The following SEC14L4 variants were observed in gnomAD, a reference collection of about 807,000 sequenced individuals.
The protein encoded by SEC14L4 is SEC14-like protein 4.
SEC14L4 carries 42 observed loss-of-function variants against 55.1 expected under a neutral mutation model. That is an observed-to-expected ratio of 0.76 (90% CI 0.60 to 0.99). The LOEUF (loss-of-function observed/expected upper bound fraction) is 0.99. Among genes scored for constraint, SEC14L4 ranks in the 50% least tolerant of loss-of-function variants. The pLI is 0.00. For synonymous variants in SEC14L4, 206 were observed against 206.8 expected, an observed-to-expected ratio of 1.00 and a Z score of 0.03; for missense variants, 445 against 512.1, an observed-to-expected ratio of 0.87 and a Z score of 1.27.
rs1370840434 is a variant in SEC14L4, at chr22:30,491,697, G to A, written c.957C>T (p.Phe319=). Residue 319 remains phenylalanine, a synonymous_variant, in exon 11 of 12, where the codon TTC becomes TTT. Transcript: ENST00000255858. ...SDGGDIGFGV[F]LKTKMGEQQS... is the part of the protein sequence containing the mutation. The stretch of plus-strand genomic sequence containing the variant: ...GCTGCTCCCCCATCTTGGTCTTCAG[G>A]AAAACCCCAAAGCCGATGTCCCCAC... 2 of 1,614,144 alleles carry A rather than the reference G, an allele frequency of 1.2e-6. No homozygotes were observed. Among genetic ancestry groups the A allele is most frequent in the African/African-American group, 1.3e-5 (1 of 75,028 alleles).
At chr22:30,503,832 A>C in intron 1 of SEC14L4, 80 bp from the exon 2 acceptor site, 2 of 1,059,846 alleles carry the variant, frequency 1.9e-6, no homozygotes, top group Non-Finnish European at 2.9e-6. Flanking sequence ...CCCTTCCCAC[A>C]TCATCCACCA....
At chr22:30,497,539 A>AG (rs1936190271) in intron 2 of SEC14L4, among the ~76,000 whole-genome samples, 1 of 151,470 alleles carries the variant, frequency 6.6e-6, no homozygotes, top group Admixed American at 6.6e-5. Context: ...AAAAAAAAAA[A>AG]GAAAGAACCC....
In SEC14L4 at chr22:30,492,016, C is replaced by T. The variant is rs763811035; in HGVS notation, c.771+33G>A. On this transcript the variant is annotated intron_variant, in intron 9 of 11. Transcript: ENST00000255858. ...GTGTGGGCACTAGATCACAGCTTCT[C>T]CCCTCCTTCCCCATCCTCTGGGCAC... is the stretch of plus-strand genomic sequence containing the variant. 7 of 1,613,724 alleles carry T rather than the reference C, an allele frequency of 4.3e-6. No individual in the cohort carries two copies. In the South Asian group the frequency reaches 6.6e-5, roughly 15 times the overall value.
At chr22:30,505,355 T>C (rs193106418) in intron 1 of SEC14L4, among the ~76,000 whole-genome samples, 67 of 152,244 alleles carry the variant, frequency 4.4e-4, no homozygotes, top group African/African-American at 1.6e-3. Context: ...TGGATTCGGC[T>C]CCTGGTCACG....
chr22:30,490,320 CA>C, intron 11 of SEC14L4, 74 bp from the exon 12 acceptor site: 1 of 1,595,262 alleles, frequency 6.3e-7, no homozygotes, highest in Non-Finnish European at 8.5e-7. Flanking sequence ...TGCATGGGTG[CA>C]TCCCTGGAAC....
intron 7 of SEC14L4, among the ~76,000 whole-genome samples, chr22:30,493,725 C>T (rs747572740): frequency 3.9e-5 from 6 of 152,140 alleles, no homozygotes; most frequent in East Asian, 1.9e-4. Flanking sequence ...AGCCAGAGGC[C>T]GGGTGCGGTG....
At chr22:30,494,243 T>G (rs1289555878) in intron 6 of SEC14L4, 33 bp from the exon 7 acceptor site, 3 of 1,573,060 alleles carry the variant, frequency 1.9e-6, no homozygotes, top group Non-Finnish European at 1.8e-6. Flanking sequence ...GTTGGGGCTC[T>G]GTTCCATCAC....
intron 2 of SEC14L4, among the ~76,000 whole-genome samples, chr22:30,499,372 C>G (rs1480049795): frequency 6.6e-6 from 1 of 151,292 alleles, no homozygotes; most frequent in Non-Finnish European, 1.5e-5. Flanking sequence ...TGTGAGCCAC[C>G]GCACCTGGCC....
At position 30,492,596 on chromosome 22, in the gene SEC14L4, A is replaced by G. The variant is rs1455043293; in HGVS notation, c.581-39T>C. On this transcript the variant is annotated intron_variant, in intron 7 of 11. Coordinates refer to ENST00000255858, the MANE Select transcript of SEC14L4 (RefSeq NM_174977.4). ...AAATCTCTTGAGAAGCTGGACCAGA[A>G]AGGACGTGGGGATACAGAGCCACAG... The G allele has an allele frequency of 3.9e-6, 6 of 1,530,890 alleles. No individual in the cohort carries two copies. In the East Asian group the frequency reaches 1.3e-4, roughly 34 times the overall value. The allele number at this position is 1,530,890 out of a possible 1,614,324, so 94.8% of individuals were successfully genotyped here.
rs1299799301 is a variant in SEC14L4 at position 30,489,225 on chromosome 22, C to CTTTGTTTG, written c.*881_*882insCAAACAAA. The CTTTGTTTG allele has an allele frequency of 1.5e-4, 18 of 124,074 alleles. 1 individual carries two copies. The South Asian group carries it at 1.6e-3, about 11-fold the overall frequency. 7.7% of individuals were successfully genotyped at this position (124,074 alleles called of 1,614,324 possible). On this transcript the variant is annotated 3_prime_UTR_variant, in exon 12 of 12. Coordinates refer to ENST00000255858, the MANE Select transcript of SEC14L4 (RefSeq NM_174977.4). ...CACCTCTCCATGTCCAATGTTCTTTCTTTATTTGTTTGTTTGTTTGTTTGT... is the reference window on the plus strand; with the variant it reads ...CACCTCTCCATGTCCAATGTTCTTTCTTTGTTTGTTTATTTGTTTGTTTGTTTGTTTGT...
rs769327241 is a variant in SEC14L4, at chr22:30,490,131, C to T, written c.1197G>A (p.Ala399=). 1.1e-5 allele frequency: 17 copies of T among 1,614,056 alleles called. No homozygotes were observed. The highest frequency in any genetic ancestry group is 1.6e-4 in the Middle Eastern group (1 of 6,062). The part of the protein sequence containing the change: ...ASEETLQSLK[A]MRPSPTQ ...TTCACTGTGTTGGGGAGGGTCTCATCGCCTTGAGACTCTGCAGCGTCTCCT... is the reference window on the plus strand; with the variant it reads ...TTCACTGTGTTGGGGAGGGTCTCATTGCCTTGAGACTCTGCAGCGTCTCCT... Residue 399 remains alanine (A), a synonymous_variant, in exon 12 of 12, where the codon GCG becomes GCA. Coordinates refer to ENST00000255858, the MANE Select transcript of SEC14L4 (RefSeq NM_174977.4).
At chr22:30,494,124 G>A (rs1421738143) in intron 7 of SEC14L4, 26 bp downstream of exon 7, 2 of 1,576,882 alleles carry the variant, frequency 1.3e-6, no homozygotes, top group African/African-American at 1.4e-5. Flanking sequence ...TCCCTCCCCA[G>A]GAGGTCATCC....
chr22:30,498,594 T>G (rs947064299), intron 2 of SEC14L4, among the ~76,000 whole-genome samples: 4 of 152,220 alleles, frequency 2.6e-5, no homozygotes, highest in Admixed American at 1.3e-4. Flanking sequence ...AGTTCTACAT[T>G]TAAACAGTAA....
At chr22:30,493,696 G>A (rs1936041800) in intron 7 of SEC14L4, among the ~76,000 whole-genome samples, 1 of 152,084 alleles carries the variant, frequency 6.6e-6, no homozygotes, top group Non-Finnish European at 1.5e-5. Flanking sequence ...GTCTGTGAAG[G>A]ACTGAAACTA....
chr22:30,494,239 G>A (rs1936064801), intron 6 of SEC14L4, 29 bp from the exon 7 acceptor site: 4 of 1,591,570 alleles, frequency 2.5e-6, no homozygotes, highest in South Asian at 1.1e-5. Flanking sequence ...TCTGGTTGGG[G>A]CTCTGTTCCA....
rs368539183 is a variant in SEC14L4, at chr22:30,495,420, C to G, written c.257G>C (p.Gly86Ala). 14 of 1,613,752 alleles carry G rather than the reference C, an allele frequency of 8.7e-6. No individual in the cohort carries two copies. Among genetic ancestry groups the G allele is most frequent in the Non-Finnish European group, 1.1e-5 (13 of 1,179,830 alleles). ...PPEVIQLYDSGGLCGYDYEGC... is the reference protein window; with the variant it reads ...PPEVIQLYDSAGLCGYDYEGC... ...TTCGTAGTCGTAGCCACAAAGACCA[C>G]CCGAGTCATACAGCTGGATGACCTG... The change falls in exon 5 of 12, where the codon GGT (glycine) becomes GCT (alanine). Residue 86 changes from glycine to alanine, a missense_variant. Coordinates refer to ENST00000255858, the MANE Select transcript of SEC14L4 (RefSeq NM_174977.4).
At chr22:30,496,970 G>T (rs1936171166) in intron 2 of SEC14L4, among the ~76,000 whole-genome samples, 1 of 152,128 alleles carries the variant, frequency 6.6e-6, no homozygotes, top group Non-Finnish European at 1.5e-5. Flanking sequence ...CAATATGCGG[G>T]GTCAGAGATT....
In SEC14L4 at chr22:30,505,606, G is replaced by C. The variant is rs753735197; in HGVS notation, c.6C>G (p.Ser2Arg). 5.1e-6 allele frequency: 8 copies of C among 1,559,524 alleles called. No homozygotes were observed. The African/African-American group carries it at 5.4e-5, about 11-fold the overall frequency. MSSRVGDLSPQQ... is the reference protein window; with the variant it reads MRSRVGDLSPQQ... ...GGGGGCTCAGGTCCCCGACTCGGCT[G>C]CTCATGGTGCCCGCGGGCGCAGAAA... The change falls in exon 1 of 12, where the codon AGC becomes AGG. Residue 2 changes from serine to arginine, a missense_variant. Ser to Arg is a moderately radical substitution (Grantham distance 110, BLOSUM62 -1). Coordinates refer to ENST00000255858, the MANE Select transcript of SEC14L4 (RefSeq NM_174977.4).
At chr22:30,496,289 G>C (rs1355843274) in intron 2 of SEC14L4, among the ~76,000 whole-genome samples, 1 of 140,960 alleles carries the variant, frequency 7.1e-6, no homozygotes, top group Non-Finnish European at 1.6e-5. Flanking sequence ...ATTTTTTTTA[G>C]ATTTTTTTTT....
Sources: allele counts gnomAD v4.1 joint callset (sites outside exome capture counted in the v4.1 genomes callset), GRCh38; gene constraint gnomAD v4.1.1; transcripts MANE v1.5; gene names NCBI Gene and HGNC (gene_info 2026-07-23, HGNC 2026-07-21).